TMEM63A: variants seen among roughly 807,000 people sequenced by gnomAD.
The protein encoded by TMEM63A is transmembrane protein 63A, also known as mechanosensitive cation channel TMEM63A.
A neutral mutation model predicts 100.6 loss-of-function variants in TMEM63A; 76 were observed. That is an observed-to-expected ratio of 0.76 (90% CI 0.63 to 0.91). The LOEUF is 0.91. TMEM63A is among the 40% of genes least tolerant of loss of function. The probability of loss-of-function intolerance (pLI) is 0.00; values close to 1 mark genes in which losing one functional copy is unlikely to be tolerated. For synonymous variants in TMEM63A, 401 were observed against 401.1 expected (o/e 1.00, Z 0.00); for missense variants, 876 against 1,008.8 (o/e 0.87, Z 1.78).
intron 2 of TMEM63A, 71 bp downstream of exon 2, chr1:225,879,149 C>G (rs565618866): frequency 6.6e-6 from 1 of 152,432 alleles, no homozygotes; most frequent in East Asian, 1.9e-4. Flanking sequence ...GTGGCACCAC[C>G]CAATGGAACA....
Position 225,872,634 on chromosome 1 carries a change from C to A in TMEM63A, c.267-581G>T, listed in dbSNP as rs190788047. 5.3e-5 allele frequency among the ~76,000 whole-genome samples: 8 copies of A among 151,866 alleles called. No individual in the cohort carries two copies. The South Asian group carries it at 6.3e-4, about 12-fold the overall frequency. The stretch of plus-strand genomic sequence containing the variant: ...CTTGCGAGTACCCCCATAAAAACAC[C>A]CCATGCGCTATAAATCTGAGGTGTT... On this transcript the variant is annotated intron_variant, in intron 4 of 24. Coordinates refer to ENST00000366835, the MANE Select transcript of TMEM63A (RefSeq NM_014698.3).
rs113803938 is a variant in TMEM63A, at chr1:225,874,457, G to A, written c.187-90C>T. 2.3e-4 allele frequency: 254 copies of A among 1,107,136 alleles called. No individual in the cohort carries two copies. In the African/African-American group the frequency reaches 3.3e-3, roughly 15 times the overall value. The allele number at this position is 1,107,136 out of a possible 1,614,324, so 68.6% of individuals were successfully genotyped here. ...TCTCAGGGGTAAAGCCCACCTGCCCGCACTCAGCAGGGCTAGAAGGAAAAC... is the reference window on the plus strand; with the variant it reads ...TCTCAGGGGTAAAGCCCACCTGCCCACACTCAGCAGGGCTAGAAGGAAAAC... On this transcript the variant is annotated intron_variant, in intron 3 of 24. Coordinates refer to ENST00000366835, the MANE Select transcript of TMEM63A (RefSeq NM_014698.3).
chr1:225,877,467 GT>G lies in TMEM63A; in HGVS notation c.113del (p.Asn38ThrfsTer19). On this transcript the variant is annotated frameshift_variant, in exon 3 of 25. Transcript: ENST00000366835. LOFTEE classifies it high-confidence loss of function. ...NDSYCYNSAK[N>X]STVLQGVTFG... ...AGGTGACCCCCTGGAGCACGGTGCT[GT>G]TTTTGGCCGAGTTGTAGCAATAGGA... 1 of 1,614,214 alleles carries G rather than the reference GT, an allele frequency of 6.2e-7. No homozygotes were observed.
At chr1:225,844,165 A>C (rs1431227715), downstream of TMEM63A, among the ~76,000 whole-genome samples, 1 of 152,130 alleles carries the variant, frequency 6.6e-6, no homozygotes, top group African/African-American at 2.4e-5. Context: ...TGTGGTCACC[A>C]CAGTAGCTGG....
At chr1:225,854,455 G>C (rs755013444) in intron 18 of TMEM63A, among the ~76,000 whole-genome samples, 3 of 152,192 alleles carry the variant, frequency 2.0e-5, no homozygotes, top group African/African-American at 2.4e-5. Flanking sequence ...ACTTTAGAGA[G>C]AGTTGTCAGG....
intron 15 of TMEM63A, among the ~76,000 whole-genome samples, chr1:225,857,380 G>GT (rs1491289004): frequency 0.021 from 24 of 1,148 alleles, no homozygotes; most frequent in Admixed American, 0.03. Flanking sequence ...CCTGGCCGGC[G>GT]GGGCGGGGGG....
At chr1:225,872,187 T>G (rs577091551) in intron 4 of TMEM63A, 134 bp from the exon 5 acceptor site, 1 of 636,658 alleles carries the variant, frequency 1.6e-6, no homozygotes, top group South Asian at 1.9e-5. Flanking sequence ...CCTCGATGGC[T>G]GGGACAAAAT....
In TMEM63A at chr1:225,848,487, C is replaced by T; in HGVS notation, c.2250+5G>A. On this transcript the variant is annotated splice_donor_5th_base_variant and intron_variant, in intron 23 of 24. Coordinates refer to ENST00000366835, the MANE Select transcript of TMEM63A (RefSeq NM_014698.3). Reference sequence around the variant, plus strand: ...CAAGCTCAGAGGCTGAGGGGCACAGCTTACTGTGAACGGTGGGGGCATGTG... The same window carrying T: ...CAAGCTCAGAGGCTGAGGGGCACAGTTTACTGTGAACGGTGGGGGCATGTG... 6.2e-7 allele frequency: 1 copy of T among 1,614,070 alleles called. No individual in the cohort carries two copies. The highest frequency in any genetic ancestry group is 8.5e-7 in the Non-Finnish European group (1 of 1,179,996).
intron 6 of TMEM63A, among the ~76,000 whole-genome samples, chr1:225,870,278 G>A (rs1325437588): frequency 6.6e-6 from 1 of 152,032 alleles, no homozygotes; most frequent in Non-Finnish European, 1.5e-5. Context: ...CTTGAACCCG[G>A]GAGGCGGAGG....
At chr1:225,848,668 G>T in intron 22 of TMEM63A, 114 bp from the exon 23 acceptor site, 1 of 1,180,956 alleles carries the variant, frequency 8.5e-7, no homozygotes. Flanking sequence ...CTGGCACCAA[G>T]CTCCCCAGCA....
downstream of TMEM63A, chr1:225,845,309 G>A (rs373049369): frequency 6.6e-5 from 106 of 1,612,280 alleles, no homozygotes; most frequent in Admixed American, 8.3e-5. Context: ...GCTCGCCCAG[G>A]ACATCCGCAA....
chr1:225,880,850 T>C (rs1671054964), intron 1 of TMEM63A, among the ~76,000 whole-genome samples: 2 of 152,232 alleles, frequency 1.3e-5, no homozygotes, highest in African/African-American at 2.4e-5. Flanking sequence ...AGGACTGGCC[T>C]GGTGGTCAAC....
At chr1:225,848,845 A>C (rs1233223608) in intron 22 of TMEM63A, 52 bp downstream of exon 22, 1 of 1,421,046 alleles carries the variant, frequency 7.0e-7, no homozygotes, top group African/African-American at 1.4e-5. Context: ...AGCCCGTCCC[A>C]CCATCTGTTC....
chr1:225,871,246 A>T, intron 5 of TMEM63A, 133 bp from the exon 6 acceptor site: 2 of 844,754 alleles, frequency 2.4e-6, no homozygotes, highest in Non-Finnish European at 3.8e-6. Context: ...TCCCATATTC[A>T]GCAAGCATGA....
chr1:225,877,242 G>A (rs983754229), intron 3 of TMEM63A, among the ~76,000 whole-genome samples, 153 bp downstream of exon 3: 1 of 152,212 alleles, frequency 6.6e-6, no homozygotes, highest in Admixed American at 6.5e-5. Context: ...CAGAAGCTAA[G>A]TAACACGCCT....
At position 225,867,177 on chromosome 1, in the gene TMEM63A, C is replaced by T. The variant is rs1360210477; in HGVS notation, c.515-14G>A. The stretch of plus-strand genomic sequence containing the variant: ...ACGGGTCTTTGTCTGCAGAGAAGCA[C>T]AGATACTTAGTTCCAGGGTCATGTG... On this transcript the variant is annotated splice_polypyrimidine_tract_variant and intron_variant, in intron 7 of 24. Transcript: ENST00000366835. This position sits in a 1 kb window ranked among gnomAD's most constrained non-coding sequence, Gnocchi z 4.6. The T allele has an allele frequency of 2.5e-6, 4 of 1,613,970 alleles. No homozygotes were observed. Among genetic ancestry groups the T allele is most frequent in the South Asian group, 2.2e-5 (2 of 91,090 alleles).
chr1:225,872,617 T>A (rs1452680537), intron 4 of TMEM63A, among the ~76,000 whole-genome samples: 1 of 151,948 alleles, frequency 6.6e-6, no homozygotes, highest in African/African-American at 2.4e-5. Flanking sequence ...TTCTTGCGAG[T>A]ACCCCCATAA....
At position 225,847,219 on chromosome 1, in the gene TMEM63A, A is replaced by G. The variant is rs12121252; in HGVS notation, c.2251-6T>C. On this transcript the variant is annotated splice_region_variant and splice_polypyrimidine_tract_variant and intron_variant, in intron 23 of 24. Coordinates refer to ENST00000366835, the MANE Select transcript of TMEM63A (RefSeq NM_014698.3). Reference sequence around the variant, plus strand: ...AGAATCCGAGGCACGTAGGGCTGTCAGCAAATGGATTTGTGCTTGGCCTGG... The same window carrying G: ...AGAATCCGAGGCACGTAGGGCTGTCGGCAAATGGATTTGTGCTTGGCCTGG... 6.1e-3 allele frequency: 9,909 copies of G among 1,612,192 alleles called. 39 individuals carry two copies. The highest frequency in any genetic ancestry group is 7.5e-3 in the Non-Finnish European group (8,892 of 1,179,090).
At chr1:225,858,982 G>C (rs1576084549) in intron 15 of TMEM63A, among the ~76,000 whole-genome samples, 1 of 151,322 alleles carries the variant, frequency 6.6e-6, no homozygotes, top group South Asian at 2.1e-4. Context: ...GTGTGTGTGT[G>C]TGTGTGTGTG....
Sources: gnomAD v4.1 joint callset for allele counts (sites outside exome capture counted in the v4.1 genomes callset) on GRCh38, gnomAD v4.1.1 for gene constraint, Gnocchi (gnomAD v3.1) non-coding constraint, MANE v1.5 for transcripts, NCBI Gene and HGNC (gene_info 2026-07-23, HGNC 2026-07-21) for gene names.